ZFYVE28: variants seen among roughly 807,000 people sequenced by gnomAD.
ZFYVE28 encodes lateral signaling target protein 2 homolog.
Under a neutral mutation model 82.1 loss-of-function variants are expected in ZFYVE28, and 40 were observed. That is an observed-to-expected ratio of 0.49 (90% confidence interval 0.38 to 0.63). The LOEUF (loss-of-function observed/expected upper bound fraction) is 0.63, where lower values mean the gene tolerates loss of function less well. Among genes scored for constraint, ZFYVE28 ranks in the 30% least tolerant of loss-of-function variants. The probability of loss-of-function intolerance (pLI) is 0.00; values close to 1 mark genes in which losing one functional copy is unlikely to be tolerated. For synonymous variants in ZFYVE28, 612 were observed against 546.1 expected, an observed-to-expected ratio of 1.12 and a Z score of -1.68; for missense variants, 1,321 against 1,242.1, an observed-to-expected ratio of 1.06 and a Z score of -0.96.
intron 8 of ZFYVE28, among the ~76,000 whole-genome samples, chr4:2,284,278 G>C (rs1560136252): frequency 6.6e-6 from 1 of 152,182 alleles, no homozygotes; most frequent in African/African-American, 2.4e-5. Flanking sequence ...CTGGAGCACA[G>C]TGGCGTGACC....
chr4:2,355,248 A>C (rs1395009844), intron 1 of ZFYVE28, among the ~76,000 whole-genome samples: 1 of 21,804 alleles, frequency 4.6e-5, no homozygotes, highest in Admixed American at 4.8e-4. Context: ...ATATATATAT[A>C]TATATATATA....
chr4:2,352,815 G>C (rs1246967541), intron 2 of ZFYVE28, among the ~76,000 whole-genome samples: 1 of 152,174 alleles, frequency 6.6e-6, no homozygotes. Flanking sequence ...ACAGGTCACA[G>C]AGCATGTAAA....
chr4:2,295,769 A>G (rs1459605635), intron 8 of ZFYVE28: 2 of 152,328 alleles, frequency 1.3e-5, no homozygotes. Flanking sequence ...TTGCTCTCAC[A>G]AAAGGAGCTG....
intron 1 of ZFYVE28, among the ~76,000 whole-genome samples, chr4:2,393,963 G>A (rs1312391371): frequency 6.6e-6 from 1 of 152,202 alleles, no homozygotes; most frequent in Non-Finnish European, 1.5e-5. Context: ...CTAGAAGCAG[G>A]TGTCAGCAGG....
chr4:2,334,706 G>C (rs1721307218), intron 6 of ZFYVE28, among the ~76,000 whole-genome samples: 1 of 141,450 alleles, frequency 7.1e-6, no homozygotes. Flanking sequence ...ACTCTGCCCA[G>C]TCCCACACCT....
chr4:2,380,849 T>C (rs945793830), intron 1 of ZFYVE28, among the ~76,000 whole-genome samples: 1 of 152,244 alleles, frequency 6.6e-6, no homozygotes, highest in Non-Finnish European at 1.5e-5. Context: ...CATGTGGAAC[T>C]GTAAGTCCAA....
chr4:2,407,653 C>T (rs1033212058), intron 1 of ZFYVE28, among the ~76,000 whole-genome samples: 14 of 152,138 alleles, frequency 9.2e-5, no homozygotes, highest in African/African-American at 3.1e-4. Context: ...TGTAGTGGCA[C>T]GATCTCGGCT....
At chr4:2,304,261 C>G in intron 8 of ZFYVE28, 28 bp downstream of exon 8, 1 of 1,531,118 alleles carries the variant, frequency 6.5e-7, no homozygotes, top group Non-Finnish European at 8.7e-7. Context: ...GAGGACAAAC[C>G]CAGTCTCTGG....
At chr4:2,296,266 T>C (rs1714558890) in intron 8 of ZFYVE28, among the ~76,000 whole-genome samples, 1 of 152,164 alleles carries the variant, frequency 6.6e-6, no homozygotes, top group South Asian at 2.1e-4. Context: ...TGCAGGGCGA[T>C]CACTGTCCCT....
At chr4:2,330,838 G>A (rs1443899272) in intron 6 of ZFYVE28, 1 of 1,535,234 alleles carries the variant, frequency 6.5e-7, no homozygotes, top group East Asian at 2.4e-5. Flanking sequence ...GGCAGCGGGT[G>A]CGTGGGGACT....
chr4:2,304,153 A>C lies in ZFYVE28; in HGVS notation c.2051+136T>G, dbSNP rs1451671805. On this transcript the variant is annotated intron_variant, in intron 8 of 12. Coordinates refer to ENST00000290974, the MANE Select transcript of ZFYVE28 (RefSeq NM_020972.3). ...GCCCCTCCTCACACACAGACCCCAC[A>C]CTCGGCCAGGGCCCAGCACCTGCCG... 5.1e-6 allele frequency: 6 copies of C among 1,166,578 alleles called. No homozygotes were observed. In the African/African-American group the frequency reaches 9.2e-5, roughly 18 times the overall value. 72.3% of individuals were successfully genotyped at this position (1,166,578 alleles called of 1,614,324 possible).
intron 7 of ZFYVE28, among the ~76,000 whole-genome samples, 164 bp from the exon 8 acceptor site, chr4:2,305,700 C>T (rs1366084152): frequency 6.6e-6 from 1 of 152,256 alleles, no homozygotes; most frequent in Non-Finnish European, 1.5e-5. Flanking sequence ...TCCTCCACCA[C>T]GGAACAAGGC....
intron 8 of ZFYVE28, among the ~76,000 whole-genome samples, chr4:2,294,885 G>A (rs1714297245): frequency 6.6e-6 from 1 of 152,156 alleles, no homozygotes; most frequent in African/African-American, 2.4e-5. Flanking sequence ...CTGAAGTGAA[G>A]TAGGAGGATT....
At chr4:2,315,570 A>G (rs1056851935) in intron 7 of ZFYVE28, among the ~76,000 whole-genome samples, 1 of 152,114 alleles carries the variant, frequency 6.6e-6, no homozygotes, top group Non-Finnish European at 1.5e-5. Flanking sequence ...ACTGTGCCCA[A>G]CCTCCTTCGG....
chr4:2,326,146 T>C (rs966884454), intron 6 of ZFYVE28, among the ~76,000 whole-genome samples: 1 of 152,234 alleles, frequency 6.6e-6, no homozygotes, highest in Admixed American at 6.5e-5. Context: ...TAATGTTGTG[T>C]AGTCTTTCCC....
Position 2,271,229 on chromosome 4 carries a change from G to A in ZFYVE28, c.2532+82C>T, listed in dbSNP as rs1285767727. Reference sequence around the variant, plus strand: ...GGCCTCGCTGGCCTCCCTGGGCATCGGTTCTGACTTCCAGACCTCAGGCTC... The same window carrying A: ...GGCCTCGCTGGCCTCCCTGGGCATCAGTTCTGACTTCCAGACCTCAGGCTC... On this transcript the variant is annotated intron_variant, in intron 12 of 12. Transcript: ENST00000290974. The A allele has an allele frequency of 1.9e-5, 27 of 1,409,624 alleles. No homozygotes were observed. The East Asian group carries it at 4.2e-4, about 22-fold the overall frequency. 87.3% of individuals were successfully genotyped at this position (1,409,624 alleles called of 1,614,324 possible). A position where few individuals can be genotyped will look rare whatever the true frequency, so the allele number is the denominator to read the frequency against.
At chr4:2,345,818 G>A (rs186773359) in intron 2 of ZFYVE28, among the ~76,000 whole-genome samples, 106 of 151,708 alleles carry the variant, frequency 7.0e-4, no homozygotes, top group Middle Eastern at 3.4e-3. Flanking sequence ...TTACATACAA[G>A]GAACAAAGAC....
At chr4:2,410,160 G>C (rs1246507714) in intron 1 of ZFYVE28, among the ~76,000 whole-genome samples, 1 of 152,060 alleles carries the variant, frequency 6.6e-6, no homozygotes, top group African/African-American at 2.4e-5. Context: ...ACAATACAAT[G>C]GCATTTACTG....
intron 1 of ZFYVE28, among the ~76,000 whole-genome samples, chr4:2,358,557 G>A (rs981800146): frequency 1.3e-5 from 2 of 152,196 alleles, no homozygotes; most frequent in East Asian, 3.9e-4. Flanking sequence ...AGGGCTCCCT[G>A]CCTTCCTCTT....
Sources: allele counts gnomAD v4.1 joint callset (sites outside exome capture counted in the v4.1 genomes callset), GRCh38; gene constraint gnomAD v4.1.1; transcripts MANE v1.5; gene names NCBI Gene and HGNC (gene_info 2026-07-23, HGNC 2026-07-21).